VPS13B: variants seen among roughly 807,000 people sequenced by gnomAD.
VPS13B encodes vacuolar protein sorting 13 homolog B.
In VPS13B, 285 loss-of-function variants were observed where a neutral mutation model predicts 426.4. That is an observed-to-expected ratio of 0.67 (90% CI 0.61 to 0.74). The LOEUF (loss-of-function observed/expected upper bound fraction) is 0.74, where lower values mean the gene tolerates loss of function less well. Among genes scored for constraint, VPS13B ranks in the 30% least tolerant of loss-of-function variants. VPS13B has a pLI of 0.00. For synonymous variants in VPS13B, 1,676 were observed against 1,676.4 expected (o/e 1.00, Z 0.01); for missense variants, 4,537 against 4,782.6 (o/e 0.95, Z 1.51).
intron 17 of VPS13B, among the ~76,000 whole-genome samples, chr8:99,251,746 G>C (rs1311085313): frequency 6.6e-6 from 1 of 152,038 alleles, no homozygotes; most frequent in African/African-American, 2.4e-5. Context: ...GTGTAGAAGA[G>C]ATGTTAATTC....
intron 2 of VPS13B, among the ~76,000 whole-genome samples, chr8:99,032,333 A>T (rs921025276): frequency 6.6e-6 from 1 of 151,942 alleles, no homozygotes; most frequent in East Asian, 1.9e-4. Flanking sequence ...GAAGTTTTTA[A>T]TCTGTTCACT....
rs142752257 is a variant in VPS13B at position 99,055,034 on chromosome 8, T to G, written c.291+16468T>G. Among the ~76,000 whole-genome samples the G allele has an allele frequency of 3.5e-3, 325 of 92,416 alleles. 11 individuals carry two copies. The East Asian group carries it at 0.056, about 16-fold the overall frequency. 60.6% of individuals were successfully genotyped at this position (92,416 alleles called of 152,430 possible). A position where few individuals can be genotyped will look rare whatever the true frequency, so the allele number is the denominator to read the frequency against. ...ATAAGCTTCCTATTTTGTATTTCTG[T>G]TTTTTTTTTGTTTTTTTTTTTGTTA... is the stretch of plus-strand genomic sequence containing the variant. On this transcript the variant is annotated intron_variant, in intron 3 of 61. Transcript: ENST00000357162.
At chr8:99,616,212 T>C (rs1828078937) in intron 33 of VPS13B, among the ~76,000 whole-genome samples, 1 of 152,198 alleles carries the variant, frequency 6.6e-6, no homozygotes. Flanking sequence ...TATCTTGAGA[T>C]GCTGAGGTCC....
intron 54 of VPS13B, among the ~76,000 whole-genome samples, chr8:99,842,608 C>A (rs188893506): frequency 6.6e-6 from 1 of 151,960 alleles, no homozygotes; most frequent in African/African-American, 2.4e-5. Flanking sequence ...GAGCAAAACC[C>A]GTCTCTATTT....
intron 2 of VPS13B, among the ~76,000 whole-genome samples, chr8:99,036,715 A>G (rs1420003581): frequency 6.6e-6 from 1 of 152,104 alleles, no homozygotes; most frequent in Non-Finnish European, 1.5e-5. Flanking sequence ...AGACAATCTG[A>G]TTTATGCCCT....
intron 57 of VPS13B, among the ~76,000 whole-genome samples, chr8:99,861,038 G>A (rs13274441): frequency 0.15 from 23,397 of 152,204 alleles, 1,876 homozygotes; most frequent in Non-Finnish European, 0.17. Flanking sequence ...TAAAGCTGAA[G>A]TATTTCTTTA....
At chr8:99,809,324 G>C in intron 43 of VPS13B, 51 bp from the exon 44 acceptor site, 1 of 1,612,090 alleles carries the variant, frequency 6.2e-7, no homozygotes, top group Non-Finnish European at 8.5e-7. Flanking sequence ...TTTAGGACTA[G>C]GTTTTTGTTG....
intron 39 of VPS13B, among the ~76,000 whole-genome samples, chr8:99,754,454 C>T (rs1197813921): frequency 6.6e-6 from 1 of 152,128 alleles, no homozygotes; most frequent in Non-Finnish European, 1.5e-5. Context: ...AGCCCTAACA[C>T]ATTCATAAAG....
chr8:99,550,650 G>C (rs1824232865), intron 30 of VPS13B, among the ~76,000 whole-genome samples: 2 of 151,178 alleles, frequency 1.3e-5, no homozygotes, highest in South Asian at 4.2e-4. Context: ...TTTATGTTCA[G>C]CTTATTGAGA....
intron 21 of VPS13B, among the ~76,000 whole-genome samples, chr8:99,395,154 T>C (rs995993978): frequency 6.6e-6 from 1 of 152,216 alleles, no homozygotes; most frequent in African/African-American, 2.4e-5. Context: ...ATAGGACATC[T>C]CAAACTGAGC....
chr8:99,685,563 G>A (rs1588621764), intron 35 of VPS13B, among the ~76,000 whole-genome samples: 1 of 152,096 alleles, frequency 6.6e-6, no homozygotes, highest in Admixed American at 6.5e-5. Flanking sequence ...CATTCTCATT[G>A]TCTCCTCTGA....
chr8:99,151,826 G>A (rs191454321), intron 14 of VPS13B, among the ~76,000 whole-genome samples: 17 of 152,014 alleles, frequency 1.1e-4, no homozygotes, highest in African/African-American at 2.2e-4. Flanking sequence ...AGCTACCACC[G>A]CACCTGGCCT....
rs1233161527 is a variant in VPS13B, at chr8:99,501,914, CCCTCCCTCCCTCCCTT to C, written c.4042+60_4042+75del. 6.3e-6 allele frequency: 9 copies of C among 1,424,452 alleles called. No individual in the cohort carries two copies. In the African/African-American group the frequency reaches 1.3e-4, roughly 20 times the overall value. 88.2% of individuals were successfully genotyped at this position (1,424,452 alleles called of 1,614,324 possible). On this transcript the variant is annotated intron_variant, in intron 26 of 61. Transcript: ENST00000357162. ...TCCCTCTGTCCCTCCCTCCCTCCCT[CCCTCCCTCCCTCCCTT>C]CCTTCCTTCCTTTCTTTTCTGTCTG...
chr8:99,712,579 C>T (rs1832747400), intron 36 of VPS13B, among the ~76,000 whole-genome samples: 1 of 152,060 alleles, frequency 6.6e-6, no homozygotes. Flanking sequence ...ATTGTGTGTC[C>T]TCTGGTCCTC....
chr8:99,519,613 T>C (rs1039284376), intron 29 of VPS13B, among the ~76,000 whole-genome samples: 2 of 152,120 alleles, frequency 1.3e-5, no homozygotes, highest in African/African-American at 4.8e-5. Context: ...CATGGAAGAC[T>C]ATGCAGCCAT....
intron 43 of VPS13B, among the ~76,000 whole-genome samples, chr8:99,806,472 C>G (rs1455852921): frequency 6.6e-6 from 1 of 152,210 alleles, no homozygotes; most frequent in Non-Finnish European, 1.5e-5. Flanking sequence ...GACTGCTCCT[C>G]TCCTTTCCTG....
intron 3 of VPS13B, among the ~76,000 whole-genome samples, chr8:99,078,890 G>C (rs1563525212): frequency 6.6e-6 from 1 of 152,124 alleles, no homozygotes; most frequent in African/African-American, 2.4e-5. Flanking sequence ...GCCCCTGGGA[G>C]ATGCATGCTG....
chr8:99,256,962 T>G lies in VPS13B; in HGVS notation c.2516-17236T>G, dbSNP rs569911132. ...TTCATGAGAGAAGAGCCTGAATTGG[T>G]CTTATTTACTTGTCTGACTCCAGGC... On this transcript the variant is annotated intron_variant, in intron 17 of 61. Transcript: ENST00000357162. Among the ~76,000 whole-genome samples the G allele has an allele frequency of 5.0e-4, 76 of 152,274 alleles. 1 individual carries two copies. Among genetic ancestry groups the G allele is most frequent in the Middle Eastern group, 3.4e-3 (1 of 294 alleles).
chr8:99,509,588 G>A (rs1821678471), intron 28 of VPS13B, among the ~76,000 whole-genome samples: 1 of 152,174 alleles, frequency 6.6e-6, no homozygotes, highest in Admixed American at 6.5e-5. Context: ...CAATTGAAAT[G>A]TAGGAGTGAT....
Sources: gnomAD v4.1 joint callset for allele counts (sites outside exome capture counted in the v4.1 genomes callset) on GRCh38, gnomAD v4.1.1 for gene constraint, MANE v1.5 for transcripts, NCBI Gene and HGNC (gene_info 2026-07-23, HGNC 2026-07-21) for gene names.